The following PITPNC1 variants were observed in gnomAD, a reference collection of about 807,000 sequenced individuals.
The protein encoded by PITPNC1 is cytoplasmic phosphatidylinositol transfer protein 1.
A neutral mutation model predicts 44.7 loss-of-function variants in PITPNC1; 18 were observed. The observed-to-expected ratio is 0.40, with a 90% CI of 0.28 to 0.60. The LOEUF is 0.60. PITPNC1 is among the 20% of genes least tolerant of loss of function. The pLI, the probability that PITPNC1 is intolerant of heterozygous loss-of-function variation, is 0.39. For missense variants in PITPNC1, 290 were observed against 418.4 expected (o/e 0.69, Z 2.68); for synonymous variants, 141 against 149.6 (o/e 0.94, Z 0.42).
intron 1 of PITPNC1, among the ~76,000 whole-genome samples, chr17:67,522,290 T>A (rs752049124): frequency 1.3e-5 from 2 of 149,266 alleles, no homozygotes; most frequent in Non-Finnish European, 3.0e-5. Context: ...GGAGAGAGAG[T>A]GAAACTCCAT....
chr17:67,540,156 T>G (rs950481718), intron 2 of PITPNC1, among the ~76,000 whole-genome samples: 9 of 152,006 alleles, frequency 5.9e-5, no homozygotes, highest in Non-Finnish European at 1.2e-4. Flanking sequence ...CAGGCTGGAG[T>G]GCAGTGGCAT....
At chr17:67,505,215 G>C (rs2040085006) in intron 1 of PITPNC1, among the ~76,000 whole-genome samples, 1 of 152,086 alleles carries the variant, frequency 6.6e-6, no homozygotes, top group African/African-American at 2.4e-5. Context: ...GTGTTCTGTT[G>C]ATTTTTTAGG....
At chr17:67,497,259 G>A (rs1400632287) in intron 1 of PITPNC1, among the ~76,000 whole-genome samples, 2 of 146,976 alleles carry the variant, frequency 1.4e-5, no homozygotes, top group Non-Finnish European at 3.0e-5. Flanking sequence ...TCATTCAGTC[G>A]CCCAGGCTGG....
chr17:67,561,835 A>C (rs905323612), intron 4 of PITPNC1, among the ~76,000 whole-genome samples: 1 of 152,192 alleles, frequency 6.6e-6, no homozygotes, highest in Admixed American at 6.5e-5. Flanking sequence ...GGCTCAAGCA[A>C]TCCTCCTGCC....
chr17:67,512,513 A>AC (rs2040201569), intron 1 of PITPNC1, among the ~76,000 whole-genome samples: 2 of 142,742 alleles, frequency 1.4e-5, no homozygotes, highest in African/African-American at 4.9e-5. Context: ...AAAAAAAAAA[A>AC]AAAAAAAAAA....
At chr17:67,531,280 T>A (rs749824655) in intron 1 of PITPNC1, among the ~76,000 whole-genome samples, 6 of 152,232 alleles carry the variant, frequency 3.9e-5, no homozygotes, top group Non-Finnish European at 5.9e-5. Context: ...CTTTAAATTT[T>A]ATTTTTCCTT....
chr17:67,612,169 C>T (rs1354167971), intron 5 of PITPNC1: 1 of 152,176 alleles, frequency 6.6e-6, no homozygotes, highest in Non-Finnish European at 1.5e-5. Flanking sequence ...TCTTGCCAGG[C>T]AGATAGGGTG....
At chr17:67,606,466 C>A (rs1030174500) in intron 5 of PITPNC1, among the ~76,000 whole-genome samples, 2 of 152,210 alleles carry the variant, frequency 1.3e-5, no homozygotes, top group Non-Finnish European at 2.9e-5. Context: ...TTCCAAAGAG[C>A]TCCAAAGAGC....
chr17:67,632,030 C>T (rs1017583357), intron 5 of PITPNC1, 113 bp from the exon 6 acceptor site: 6 of 651,928 alleles, frequency 9.2e-6, no homozygotes, highest in South Asian at 1.9e-5. Context: ...AAGCACTAGC[C>T]GGGGGCCCTG....
intron 2 of PITPNC1, among the ~76,000 whole-genome samples, chr17:67,536,700 A>G (rs1376360725): frequency 1.3e-5 from 2 of 152,190 alleles, no homozygotes; most frequent in African/African-American, 4.8e-5. Context: ...ACAAATTTGG[A>G]TGGTAAAATA....
At chr17:67,551,894 C>T (rs1236692460) in intron 2 of PITPNC1, among the ~76,000 whole-genome samples, 2 of 152,132 alleles carry the variant, frequency 1.3e-5, no homozygotes, top group African/African-American at 4.8e-5. Flanking sequence ...AGTGTTTGGG[C>T]TTAAACATTC....
intron 8 of PITPNC1, among the ~76,000 whole-genome samples, chr17:67,682,683 GA>G (rs377487117): frequency 5.9e-5 from 9 of 152,270 alleles, no homozygotes; most frequent in African/African-American, 2.2e-4. Context: ...TTTATCAGAA[GA>G]AATACCGTAC....
chr17:67,639,285 G>A lies in PITPNC1; in HGVS notation c.462+7047G>A, dbSNP rs112983723. ...CAAGACTCATTAATGAATTCCTTTA[G>A]TTAGCATTTACTAAGCACCTACTGA... is the stretch of plus-strand genomic sequence containing the variant. On this transcript the variant is annotated intron_variant, in intron 6 of 8. Coordinates refer to ENST00000581322, the MANE Select transcript of PITPNC1 (RefSeq NM_012417.4). Among the ~76,000 whole-genome samples, 701 of 152,290 alleles carry A rather than the reference G, an allele frequency of 4.6e-3. 5 individuals are homozygous for A. Among genetic ancestry groups the A allele is most frequent in the African/African-American group, 0.016 (661 of 41,554 alleles).
intron 5 of PITPNC1, among the ~76,000 whole-genome samples, chr17:67,590,021 C>T (rs2041369898): frequency 6.6e-6 from 1 of 151,794 alleles, no homozygotes; most frequent in Admixed American, 6.6e-5. Flanking sequence ...GCAGAGAGGA[C>T]AAACCAGAAA....
At chr17:67,462,200 CT>C (rs1307874758) in intron 1 of PITPNC1, among the ~76,000 whole-genome samples, 1 of 95,044 alleles carries the variant, frequency 1.1e-5, no homozygotes, top group Non-Finnish European at 2.3e-5. Context: ...TTTTTCTTTT[CT>C]TTTCTTTTTC....
rs202240279 is a variant in PITPNC1, at chr17:67,598,736, C to CA, written c.366+20486dup. Among the ~76,000 whole-genome samples, 751 of 151,556 alleles carry CA rather than the reference C, an allele frequency of 5.0e-3. 9 individuals are homozygous for CA. The highest frequency in any genetic ancestry group is 0.017 in the African/African-American group (716 of 41,330). Reference sequence around the variant, plus strand: ...GAAACCCCGTCTCTACAAAAAAATACAAAAAAATTAGCTGGGCATGGTGGT... The same window carrying CA: ...GAAACCCCGTCTCTACAAAAAAATACAAAAAAAATTAGCTGGGCATGGTGGT... On this transcript the variant is annotated intron_variant, in intron 5 of 8. Coordinates refer to ENST00000581322, the MANE Select transcript of PITPNC1 (RefSeq NM_012417.4).
chr17:67,696,733 G>T lies in PITPNC1; in HGVS notation c.*3845G>T, dbSNP rs2144494309. ...GTTCTACCTTCAAAACAATCTGTTT[G>T]CATTTGAAATATAAGTGTTTAAGCT... is the stretch of plus-strand genomic sequence containing the variant. On this transcript the variant is annotated 3_prime_UTR_variant, in exon 9 of 9. Coordinates refer to ENST00000581322, the MANE Select transcript of PITPNC1 (RefSeq NM_012417.4). 1 of 152,312 alleles carries T rather than the reference G, an allele frequency of 6.6e-6. No individual in the cohort carries two copies. The highest frequency in any genetic ancestry group is 2.1e-4 in the South Asian group (1 of 4,822). 9.4% of individuals were successfully genotyped at this position (152,312 alleles called of 1,614,324 possible). A position where few individuals can be genotyped will look rare whatever the true frequency, so the allele number is the denominator to read the frequency against.
intron 1 of PITPNC1, among the ~76,000 whole-genome samples, chr17:67,493,029 C>T (rs574457979): frequency 4.6e-5 from 7 of 152,180 alleles, no homozygotes; most frequent in Non-Finnish European, 8.8e-5. Flanking sequence ...ATTGTTGGGT[C>T]ATAGGCTATC....
chr17:67,378,470 A>G (rs1057333571), intron 1 of PITPNC1, among the ~76,000 whole-genome samples: 21 of 152,040 alleles, frequency 1.4e-4, no homozygotes, highest in African/African-American at 5.1e-4. Flanking sequence ...TATGAGCCAA[A>G]GGGAGTGGGT....
Sources: gnomAD v4.1 joint callset for allele counts (sites outside exome capture counted in the v4.1 genomes callset) on GRCh38, gnomAD v4.1.1 for gene constraint, MANE v1.5 for transcripts, NCBI Gene and HGNC (gene_info 2026-07-23, HGNC 2026-07-21) for gene names.